DMTF1: variants seen among roughly 807,000 people sequenced by gnomAD.
DMTF1 encodes the protein cyclin-D-binding Myb-like transcription factor 1.
DMTF1 carries 39 observed loss-of-function variants against 91.1 expected under a neutral mutation model. The ratio of observed to expected loss-of-function variants is 0.43; its 90% CI spans 0.33 to 0.56. The LOEUF is 0.56. Among genes scored for constraint, DMTF1 ranks in the 20% least tolerant of loss-of-function variants. The probability of loss-of-function intolerance (pLI) is 0.05; values close to 1 mark genes in which losing one functional copy is unlikely to be tolerated. For missense variants in DMTF1, 750 were observed against 914.5 expected (o/e 0.82, Z 2.32); for synonymous variants, 338 against 309.5 (o/e 1.09, Z -0.97).
At chr7:87,156,758 A>G (rs919175592) in intron 1 of DMTF1, among the ~76,000 whole-genome samples, 1 of 152,192 alleles carries the variant, frequency 6.6e-6, no homozygotes, top group African/African-American at 2.4e-5. Flanking sequence ...CAAAATAAAC[A>G]TATCTTAAAA....
chr7:87,163,808 ATATTT>A (rs1793104290), intron 2 of DMTF1, among the ~76,000 whole-genome samples, 191 bp downstream of exon 2: 2 of 152,242 alleles, frequency 1.3e-5, no homozygotes, highest in African/African-American at 4.8e-5. Flanking sequence ...AAATGTTAAT[ATATTT>A]AAGTTTTTGT....
intron 10 of DMTF1, among the ~76,000 whole-genome samples, chr7:87,184,096 A>C (rs1419863489): frequency 1.3e-5 from 2 of 152,186 alleles, no homozygotes; most frequent in Non-Finnish European, 2.9e-5. Context: ...ACTGTTTATA[A>C]AGGACTTAGT....
At chr7:87,152,627 C>A (rs895898125) in intron 1 of DMTF1, 72 bp downstream of exon 1, 1 of 152,932 alleles carries the variant, frequency 6.5e-6, no homozygotes, top group African/African-American at 2.4e-5. Context: ...TGTCCGGCCC[C>A]CTTGCTGCCC....
chr7:87,166,848 T>C (rs1337812580), intron 4 of DMTF1, among the ~76,000 whole-genome samples: 1 of 152,198 alleles, frequency 6.6e-6, no homozygotes, highest in Non-Finnish European at 1.5e-5. Flanking sequence ...CAAGGAGCCT[T>C]TTTAGACTTT....
At chr7:87,166,421 G>A (rs904212961) in intron 3 of DMTF1, 62 bp from the exon 4 acceptor site, 2 of 1,543,648 alleles carry the variant, frequency 1.3e-6, no homozygotes, top group East Asian at 2.3e-5. Context: ...TAGAGCCATT[G>A]TTAGAGATTT....
intron 5 of DMTF1, among the ~76,000 whole-genome samples, chr7:87,171,655 C>G (rs1584306622): frequency 6.6e-6 from 1 of 152,214 alleles, no homozygotes; most frequent in East Asian, 1.9e-4. Flanking sequence ...ACATTATAGG[C>G]ATGAAATCCT....
intron 7 of DMTF1, among the ~76,000 whole-genome samples, chr7:87,176,155 T>A (rs1282984306): frequency 1.3e-5 from 2 of 152,230 alleles, no homozygotes; most frequent in African/African-American, 4.8e-5. Flanking sequence ...GGCCCACATT[T>A]TTAAGTTTAA....
chr7:87,156,591 G>A (rs1790792399), intron 1 of DMTF1, among the ~76,000 whole-genome samples: 1 of 151,982 alleles, frequency 6.6e-6, no homozygotes, highest in East Asian at 1.9e-4. Context: ...GTTCCTATTC[G>A]TATCTTGAAT....
chr7:87,194,619 T>C (rs1584493503), intron 16 of DMTF1, 65 bp from the exon 17 acceptor site: 2 of 1,238,592 alleles, frequency 1.6e-6, no homozygotes, highest in Admixed American at 1.9e-5. Context: ...TACATACCTA[T>C]ACATGGGATT....
chr7:87,160,274 T>G (rs1791923534), intron 1 of DMTF1, among the ~76,000 whole-genome samples: 1 of 151,184 alleles, frequency 6.6e-6, no homozygotes, highest in Non-Finnish European at 1.5e-5. Context: ...AGTTTGTCAT[T>G]TCTTTTTTTT....
intron 4 of DMTF1, among the ~76,000 whole-genome samples, chr7:87,167,646 CA>C (rs1466853148): frequency 6.6e-6 from 1 of 152,154 alleles, no homozygotes; most frequent in Non-Finnish European, 1.5e-5. Flanking sequence ...CTAAATTGAA[CA>C]GAAAAACTTT....
In DMTF1 at chr7:87,194,355, ATGTT is replaced by A. The variant is rs1186262634; in HGVS notation, c.2028+258_2028+261del. 15 of 466,906 alleles carry A rather than the reference ATGTT, an allele frequency of 3.2e-5. No individual in the cohort carries two copies. In the South Asian group the frequency reaches 4.4e-4, roughly 14 times the overall value. The allele number at this position is 466,906 out of a possible 1,614,324, so 28.9% of individuals were successfully genotyped here. ...CTCTTTACCTACAATACATTGAGAA[ATGTT>A]TGTTAGAACCCATAGAAGCATTTTC... On this transcript the variant is annotated intron_variant, in intron 16 of 17. Transcript: ENST00000331242.
chr7:87,181,340 G>T lies in DMTF1; in HGVS notation c.709G>T (p.Glu237Ter). The T allele has an allele frequency of 7.8e-7, 1 of 1,275,832 alleles. No homozygotes were observed. The highest frequency in any genetic ancestry group is 1.1e-6 in the Non-Finnish European group (1 of 902,278). The allele number at this position is 1,275,832 out of a possible 1,614,324, so 79.0% of individuals were successfully genotyped here. Residue 237 changes from glutamate to a stop codon, truncating the protein, a stop_gained and splice_region_variant, in exon 9 of 18, where the codon GAG becomes TAG. Transcript: ENST00000331242. LOFTEE classifies it high-confidence loss of function. The part of the protein sequence containing the change: ...YTPEEIEKLK[E>*]LRIKHGNDWA... The stretch of plus-strand genomic sequence containing the variant: ...ACCTGAAGAAATTGAGAAGCTCAAG[G>T]AGTAAGTTTTAAAGTTTTTTTCATT...
At chr7:87,158,023 TC>T (rs1791224641) in intron 1 of DMTF1, among the ~76,000 whole-genome samples, 1 of 152,124 alleles carries the variant, frequency 6.6e-6, no homozygotes, top group African/African-American at 2.4e-5. Context: ...CAATGTATTT[TC>T]CTGCCTTGTT....
intron 12 of DMTF1, chr7:87,186,915 A>C (rs1475703584): frequency 2.0e-5 from 3 of 152,212 alleles, no homozygotes; most frequent in Non-Finnish European, 4.4e-5. Flanking sequence ...CCTAAGTTTA[A>C]GTCAACTTTT....
In DMTF1 at chr7:87,195,100, A is replaced by AAG; in HGVS notation, c.2245_2246dup (p.Asp749GlufsTer10). On this transcript the variant is annotated frameshift_variant, in exon 18 of 18. Transcript: ENST00000331242. LOFTEE classifies it high-confidence loss of function. ...TCATCCTTGGGCAGTCCTGTTTCAGAAGATTCAAAGGATGTCGAAGATTTG... is the reference window on the plus strand; with the variant it reads ...TCATCCTTGGGCAGTCCTGTTTCAGAAGAGATTCAAAGGATGTCGAAGATTTG... 2 of 1,612,290 alleles carry AAG rather than the reference A, an allele frequency of 1.2e-6. No homozygotes were observed. The highest frequency in any genetic ancestry group is 8.5e-7 in the Non-Finnish European group (1 of 1,178,874).
At chr7:87,164,575 G>C (rs982572090) in intron 2 of DMTF1, among the ~76,000 whole-genome samples, 24 of 152,140 alleles carry the variant, frequency 1.6e-4, no homozygotes, top group African/African-American at 5.6e-4. Context: ...AGAAAAAGAA[G>C]TTAAGTACCT....
chr7:87,194,236 C>G (rs1800614096), intron 16 of DMTF1, 134 bp downstream of exon 16: 2 of 1,004,370 alleles, frequency 2.0e-6, no homozygotes, highest in African/African-American at 1.6e-5. Context: ...AGTGTTGTCA[C>G]TGGCAGAAAT....
At chr7:87,154,550 T>G (rs1435141807) in intron 1 of DMTF1, 1 of 152,640 alleles carries the variant, frequency 6.6e-6, no homozygotes, top group Non-Finnish European at 1.5e-5. Context: ...GCATTGCATC[T>G]TTCTTAGAAC....
Sources: gnomAD v4.1 joint callset for allele counts (sites outside exome capture counted in the v4.1 genomes callset) on GRCh38, gnomAD v4.1.1 for gene constraint, MANE v1.5 for transcripts, NCBI Gene and HGNC (gene_info 2026-07-23, HGNC 2026-07-21) for gene names.